Variants in TMEM128 observed in about 807,000 individuals in gnomAD.
TMEM128 encodes transmembrane protein 128.
In TMEM128, 16 loss-of-function variants were observed where a neutral mutation model predicts 19.7. The observed-to-expected ratio is 0.81, with a 90% CI of 0.55 to 1.23. TMEM128 has a LOEUF of 1.23. Ranked by LOEUF, TMEM128 falls within the 50% of genes most tolerant of loss-of-function variation. The pLI, the probability that TMEM128 is intolerant of heterozygous loss-of-function variation, is 0.00. For synonymous variants in TMEM128, 98 were observed against 75.8 expected, an observed-to-expected ratio of 1.29 and a Z score of -1.52; for missense variants, 237 against 200.8, an observed-to-expected ratio of 1.18 and a Z score of -1.09.
chr4:4,238,811 T>C (rs1298359217), intron 3 of TMEM128, among the ~76,000 whole-genome samples: 7 of 152,144 alleles, frequency 4.6e-5, no homozygotes, highest in Non-Finnish European at 1.0e-4. Context: ...CACAAGCAGA[T>C]GGCTTGAGGC....
Position 4,240,367 on chromosome 4 carries a change from C to T in TMEM128, c.352G>A (p.Ala118Thr), listed in dbSNP as rs1181156226. The change falls in exon 3 of 5, where the codon GCC (alanine) becomes ACC (threonine). Residue 118 changes from alanine to threonine, a missense_variant. Physicochemically the swap from Ala to Thr is moderately conservative, Grantham distance 58. Coordinates refer to ENST00000382753, the MANE Select transcript of TMEM128 (RefSeq NM_001297551.2). ...GIGEYDVKYPALIPITTASFI... is the reference protein window; with the variant it reads ...GIGEYDVKYPTLIPITTASFI... ...GAGGCAGTGGTAATGGGTATCAAGG[C>T]TGGATACTTGACATCATATTCTCCA... 3.1e-6 allele frequency: 5 copies of T among 1,614,104 alleles called. No homozygotes were observed. The highest frequency in any genetic ancestry group is 3.4e-6 in the Non-Finnish European group (4 of 1,180,016).
intron 2 of TMEM128, among the ~76,000 whole-genome samples, chr4:4,241,800 TAACTC>T (rs1436817952): frequency 1.3e-5 from 2 of 152,230 alleles, no homozygotes; most frequent in African/African-American, 4.8e-5. Flanking sequence ...TGACAGTACT[TAACTC>T]AGAATAGCTG....
At chr4:4,236,588 G>T (rs2920244) in intron 4 of TMEM128, among the ~76,000 whole-genome samples, 44,649 of 151,602 alleles carry the variant, frequency 0.29, 8,366 homozygotes, top group African/African-American at 0.52. Flanking sequence ...TGGCACCACA[G>T]GTGTACAGGA....
At chr4:4,245,755 T>C (rs1200467081) in intron 2 of TMEM128, among the ~76,000 whole-genome samples, 1 of 152,006 alleles carries the variant, frequency 6.6e-6, no homozygotes, top group Non-Finnish European at 1.5e-5. Flanking sequence ...TGACTTGATA[T>C]ATATATACAC....
intron 3 of TMEM128, 150 bp from the exon 4 acceptor site, chr4:4,238,085 C>A: frequency 2.0e-6 from 1 of 508,862 alleles, no homozygotes; most frequent in Non-Finnish European, 3.5e-6. Context: ...TGTGACTTAG[C>A]CAATGCTGGA....
At chr4:4,237,195 A>G (rs12498280) in intron 4 of TMEM128, 74,150 of 414,440 alleles carry the variant, frequency 0.18, 7,166 homozygotes, top group East Asian at 0.29. Context: ...TTTCCCAATT[A>G]GGTAAAATTG....
intron 2 of TMEM128, among the ~76,000 whole-genome samples, chr4:4,243,256 G>T (rs376828344): frequency 1.1e-4 from 16 of 151,974 alleles, no homozygotes; most frequent in Non-Finnish European, 2.2e-4. Context: ...ATTGTTTTTT[G>T]TATTTTTAGT....
At chr4:4,238,648 C>T (rs1717822525) in intron 3 of TMEM128, among the ~76,000 whole-genome samples, 1 of 152,132 alleles carries the variant, frequency 6.6e-6, no homozygotes, top group Admixed American at 6.5e-5. Context: ...TTAACAATAA[C>T]CACATCACAC....
chr4:4,241,789 T>C (rs148114816), intron 2 of TMEM128, among the ~76,000 whole-genome samples: 1,679 of 152,348 alleles, frequency 0.011, 24 homozygotes, highest in Non-Finnish European at 0.016. Flanking sequence ...TTCAGAAATA[T>C]TGACAGTACT....
intron 2 of TMEM128, among the ~76,000 whole-genome samples, chr4:4,240,919 AAT>A (rs1376691105): frequency 2.0e-5 from 3 of 152,200 alleles, no homozygotes; most frequent in African/African-American, 4.8e-5. Flanking sequence ...CTCTACTAAA[AAT>A]ACAAAATTAG....
At chr4:4,242,900 C>G (rs1247683925) in intron 2 of TMEM128, among the ~76,000 whole-genome samples, 1 of 152,102 alleles carries the variant, frequency 6.6e-6, no homozygotes, top group Non-Finnish European at 1.5e-5. Context: ...ATCACAGTCA[C>G]CTTGCACCTT....
intron 1 of TMEM128, 125 bp downstream of exon 1, chr4:4,247,981 C>T (rs1160644407): frequency 5.5e-6 from 8 of 1,453,538 alleles, no homozygotes; most frequent in Non-Finnish European, 7.2e-6. Flanking sequence ...TCTTCCCTGA[C>T]ATTAAATATT....
chr4:4,246,190 A>C lies in TMEM128; in HGVS notation c.239+12T>G. 6.3e-7 allele frequency: 1 copy of C among 1,578,638 alleles called. No homozygotes were observed. Among genetic ancestry groups the C allele is most frequent in the South Asian group, 1.2e-5 (1 of 84,472 alleles). On this transcript the variant is annotated intron_variant, in intron 2 of 4. Transcript: ENST00000382753. ...CTTGGGTTTAATTTACAAAGCAATA[A>C]AATTTTCTTACCTGCTAGTGTGGAA...
rs529821961 is a variant in TMEM128 at position 4,243,851 on chromosome 4, C to G, written c.239+2351G>C. On this transcript the variant is annotated intron_variant, in intron 2 of 4. Transcript: ENST00000382753. ...ATATCTTATGTGTGATCATTTCTTACTCTGCCATTTCTCTAAACTACTAAA... is the reference window on the plus strand; with the variant it reads ...ATATCTTATGTGTGATCATTTCTTAGTCTGCCATTTCTCTAAACTACTAAA... Among the ~76,000 whole-genome samples the G allele has an allele frequency of 4.0e-4, 61 of 152,274 alleles. 3 individuals are homozygous for G. The highest frequency in any genetic ancestry group is 3.9e-3 in the Admixed American group (60 of 15,288).
intron 1 of TMEM128, chr4:4,247,796 G>A (rs1718252770): frequency 6.9e-7 from 1 of 1,458,060 alleles, no homozygotes; most frequent in Admixed American, 2.3e-5. Flanking sequence ...GTGAAACACT[G>A]CGCACATCAT....
intron 1 of TMEM128, chr4:4,247,841 C>G (rs1407504715): frequency 1.4e-6 from 2 of 1,432,972 alleles, no homozygotes; most frequent in Non-Finnish European, 9.1e-7. Context: ...TCTGGTAAAT[C>G]CTTAAGACTT....
chr4:4,243,509 G>A (rs1718045601), intron 2 of TMEM128, among the ~76,000 whole-genome samples: 1 of 152,204 alleles, frequency 6.6e-6, no homozygotes, highest in African/African-American at 2.4e-5. Flanking sequence ...AGAAGAACGA[G>A]CCATTTTAGC....
At chr4:4,238,630 C>A (rs1214232076) in intron 3 of TMEM128, among the ~76,000 whole-genome samples, 2 of 152,168 alleles carry the variant, frequency 1.3e-5, no homozygotes, top group Non-Finnish European at 2.9e-5. Context: ...CATGCCCCCA[C>A]ATACAGGTTA....
chr4:4,245,827 C>T (rs1342375564), intron 2 of TMEM128, among the ~76,000 whole-genome samples: 1 of 151,378 alleles, frequency 6.6e-6, no homozygotes, highest in Non-Finnish European at 1.5e-5. Context: ...TATACATATA[C>T]ACACACACAC....
Sources: allele counts gnomAD v4.1 joint callset (sites outside exome capture counted in the v4.1 genomes callset), GRCh38; gene constraint gnomAD v4.1.1; transcripts MANE v1.5; gene names NCBI Gene and HGNC (gene_info 2026-07-23, HGNC 2026-07-21).